The following ANKRD36 variants were observed in gnomAD, a reference collection of about 807,000 sequenced individuals.
The protein encoded by ANKRD36 is ankyrin repeat domain 36.
In ANKRD36, 179 loss-of-function variants were observed where a neutral mutation model predicts 278.1. The ratio of observed to expected loss-of-function variants is 0.64; its 90% CI spans 0.57 to 0.73. The LOEUF is 0.73. Among genes scored for constraint, ANKRD36 ranks in the 30% least tolerant of loss-of-function variants. ANKRD36 has a pLI of 0.00. For synonymous variants in ANKRD36, 320 were observed against 641.1 expected (o/e 0.50, Z 7.57); for missense variants, 1,159 against 1,956.7 (o/e 0.59, Z 7.69).
chr2:97,197,672 A>G (rs1485547538), intron 42 of ANKRD36, among the ~76,000 whole-genome samples: 1 of 151,928 alleles, frequency 6.6e-6, no homozygotes, highest in Non-Finnish European at 1.5e-5. Flanking sequence ...GTCATTTTCA[A>G]TGAGTATTGC....
At chr2:97,156,422 C>T (rs1320580125) in intron 15 of ANKRD36, among the ~76,000 whole-genome samples, 2 of 138,016 alleles carry the variant, frequency 1.4e-5, no homozygotes, top group African/African-American at 5.0e-5. Context: ...TTCCTGTGTC[C>T]ATGTGATCTC....
At chr2:97,197,453 T>C (rs1461014838) in intron 42 of ANKRD36, among the ~76,000 whole-genome samples, 7 of 151,968 alleles carry the variant, frequency 4.6e-5, no homozygotes, top group African/African-American at 1.7e-4. Context: ...CCTTTGTTAC[T>C]GTTAGACATC....
In ANKRD36 at chr2:97,179,759, C is replaced by CCT; in HGVS notation, c.1655_1656insCT (p.Glu553LeufsTer15). 6.3e-7 allele frequency: 1 copy of CCT among 1,593,538 alleles called. No individual in the cohort carries two copies. Among genetic ancestry groups the CCT allele is most frequent in the Non-Finnish European group, 8.5e-7 (1 of 1,177,282 alleles). Reference sequence around the variant, plus strand: ...TCAGTGTCTTCTCAGAAACAACCAGCTGAGAAGGTAATTAAAGTCTCATTT... The same window carrying CCT: ...TCAGTGTCTTCTCAGAAACAACCAGCCTTGAGAAGGTAATTAAAGTCTCATTT... On this transcript the variant is annotated frameshift_variant, in exon 23 of 76. Transcript: ENST00000420699. LOFTEE classifies it high-confidence loss of function.
rs1433694343 is a variant in ANKRD36, at chr2:97,121,656, A to G, written c.487-1231A>G. ...GCGAGACTCCATCCCAAATAAATAAATAAATAAAAGATGCAAATAATTTAG... is the reference window on the plus strand; with the variant it reads ...GCGAGACTCCATCCCAAATAAATAAGTAAATAAAAGATGCAAATAATTTAG... On this transcript the variant is annotated intron_variant, in intron 3 of 75. Transcript: ENST00000420699. 3.9e-5 allele frequency among the ~76,000 whole-genome samples: 6 copies of G among 152,110 alleles called. No individual in the cohort carries two copies. The South Asian group carries it at 1.2e-3, about 32-fold the overall frequency.
chr2:97,174,671 G>C (rs1420271273), intron 22 of ANKRD36, among the ~76,000 whole-genome samples: 1 of 151,646 alleles, frequency 6.6e-6, no homozygotes, highest in Non-Finnish European at 1.5e-5. Flanking sequence ...TGTTGAATAG[G>C]AGTGGTGAGA....
chr2:97,181,246 G>T (rs1248806344), intron 24 of ANKRD36, among the ~76,000 whole-genome samples: 10 of 151,568 alleles, frequency 6.6e-5, no homozygotes, highest in Non-Finnish European at 1.3e-4. Flanking sequence ...AAGACATGAG[G>T]GATCATATAC....
intron 67 of ANKRD36, among the ~76,000 whole-genome samples, chr2:97,228,547 C>T (rs2070750383): frequency 6.6e-6 from 1 of 152,014 alleles, no homozygotes; most frequent in African/African-American, 2.4e-5. Context: ...TTTAGTCTTG[C>T]TAGCTGTCTA....
rs139180756 is a variant in ANKRD36 at position 97,145,649 on chromosome 2, C to T, written c.1004-837C>T. 1.1e-3 allele frequency among the ~76,000 whole-genome samples: 165 copies of T among 151,986 alleles called. 6 individuals carry two copies. In the East Asian group the frequency reaches 0.029, roughly 27 times the overall value. ...TGGAAAACCTTATTCAGATCTAATGCTTGTAGCAACTTTATTTTGTGTAAG... is the reference window on the plus strand; with the variant it reads ...TGGAAAACCTTATTCAGATCTAATGTTTGTAGCAACTTTATTTTGTGTAAG... On this transcript the variant is annotated intron_variant, in intron 10 of 75. Coordinates refer to ENST00000420699, the MANE Select transcript of ANKRD36 (RefSeq NM_001354587.1).
chr2:97,194,439 T>G (rs1558650885), intron 38 of ANKRD36, among the ~76,000 whole-genome samples: 1 of 151,692 alleles, frequency 6.6e-6, no homozygotes, highest in Non-Finnish European at 1.5e-5. Flanking sequence ...ACATTTGTCC[T>G]CATCACTCGG....
intron 42 of ANKRD36, among the ~76,000 whole-genome samples, chr2:97,197,551 C>T (rs1214700407): frequency 3.3e-5 from 5 of 151,858 alleles, no homozygotes; most frequent in Non-Finnish European, 7.4e-5. Flanking sequence ...GGAGCTACCT[C>T]TTGGATACAA....
At chr2:97,150,058 G>A (rs1453590524) in intron 12 of ANKRD36, among the ~76,000 whole-genome samples, 2 of 151,768 alleles carry the variant, frequency 1.3e-5, no homozygotes, top group African/African-American at 4.8e-5. Context: ...ATTTTAAAAA[G>A]TTGTGGAATA....
At chr2:97,178,805 G>GT (rs67976798) in intron 22 of ANKRD36, among the ~76,000 whole-genome samples, 84,196 of 150,870 alleles carry the variant, frequency 0.56, 29,052 homozygotes, top group Non-Finnish European at 0.78. Context: ...ATGTGCGCAT[G>GT]TACCCTAAAA....
chr2:97,217,437 A>G (rs1448035916), intron 64 of ANKRD36, 65 bp downstream of exon 64: 1 of 1,545,552 alleles, frequency 6.5e-7, no homozygotes, highest in Non-Finnish European at 8.7e-7. Context: ...CCCACCCCTG[A>G]ATAGATCAGC....
At chr2:97,192,028 A>T (rs1440535437) in intron 36 of ANKRD36, among the ~76,000 whole-genome samples, 1 of 151,734 alleles carries the variant, frequency 6.6e-6, no homozygotes, top group African/African-American at 2.4e-5. Flanking sequence ...AATAAAAATT[A>T]TGTTGGATTC....
At chr2:97,115,381 GCA>G (rs2034987916) in intron 1 of ANKRD36, among the ~76,000 whole-genome samples, 1 of 151,758 alleles carries the variant, frequency 6.6e-6, no homozygotes, top group Admixed American at 6.6e-5. Flanking sequence ...AATATCACAA[GCA>G]CACATTCTGA....
chr2:97,241,048 C>A (rs200911596), intron 68 of ANKRD36, among the ~76,000 whole-genome samples: 122 of 47,302 alleles, frequency 2.6e-3, no homozygotes, highest in African/African-American at 9.7e-3. Flanking sequence ...ATAACTGTCA[C>A]CTTTTTATCT....
chr2:97,154,081 A>G (rs1465168375), intron 14 of ANKRD36, among the ~76,000 whole-genome samples: 1 of 147,962 alleles, frequency 6.8e-6, no homozygotes, highest in Non-Finnish European at 1.5e-5. Flanking sequence ...ACTTTTGTAC[A>G]CTCAGCTTTC....
At chr2:97,196,458 G>A (rs2059795308) in intron 40 of ANKRD36, 135 bp from the exon 41 acceptor site, 10 of 1,501,000 alleles carry the variant, frequency 6.7e-6, no homozygotes, top group Non-Finnish European at 9.0e-6. Flanking sequence ...CTAGTCCCCA[G>A]ACACAAAGTA....
intron 22 of ANKRD36, among the ~76,000 whole-genome samples, chr2:97,169,978 G>A (rs374882450): frequency 7.3e-6 from 1 of 137,836 alleles, no homozygotes; most frequent in Non-Finnish European, 1.6e-5. Flanking sequence ...ACAATTGTAA[G>A]TAAAAAGAAC....
Sources: allele counts gnomAD v4.1 joint callset (sites outside exome capture counted in the v4.1 genomes callset), GRCh38; gene constraint gnomAD v4.1.1; transcripts MANE v1.5; gene names NCBI Gene and HGNC (gene_info 2026-07-23, HGNC 2026-07-21).